Variants in FAM3B observed in about 807,000 individuals in gnomAD.
FAM3B encodes FAM3 metabolism regulating signaling molecule B.
FAM3B carries 29 observed loss-of-function variants against 28.4 expected under a neutral mutation model. That is an observed-to-expected ratio of 1.02 (90% CI 0.76 to 1.39). The LOEUF is 1.39. Among genes scored for constraint, FAM3B ranks in the 40% most tolerant of loss-of-function variants. The pLI is 0.00. For synonymous variants in FAM3B, 91 were observed against 103.0 expected (o/e 0.88, Z 0.71); for missense variants, 266 against 293.9 (o/e 0.91, Z 0.69).
intron 4 of FAM3B, 102 bp downstream of exon 4, chr21:41,344,636 G>A (rs2089039964): frequency 3.5e-6 from 3 of 863,366 alleles, no homozygotes; most frequent in African/African-American, 1.7e-5. Flanking sequence ...ATTTAGTCTA[G>A]GTTTGTATTT....
At chr21:41,333,470 CTT>C (rs1384132885) in intron 2 of FAM3B, among the ~76,000 whole-genome samples, 1 of 152,190 alleles carries the variant, frequency 6.6e-6, no homozygotes, top group African/African-American at 2.4e-5. Context: ...TCTTCTCTCT[CTT>C]GTTTCTGCTC....
At chr21:41,337,152 A>C (rs1568918485) in intron 2 of FAM3B, among the ~76,000 whole-genome samples, 1 of 152,224 alleles carries the variant, frequency 6.6e-6, no homozygotes, top group East Asian at 1.9e-4. Flanking sequence ...TTTGCTGACT[A>C]TACTTCTTAG....
intron 1 of FAM3B, among the ~76,000 whole-genome samples, chr21:41,310,764 C>A (rs1023209212): frequency 1.4e-4 from 21 of 152,250 alleles, no homozygotes; most frequent in South Asian, 1.0e-3. Context: ...GATAACATCA[C>A]CCCTGGCTCA....
At chr21:41,311,251 AAT>A (rs1168140562) in intron 1 of FAM3B, among the ~76,000 whole-genome samples, 492 of 34,970 alleles carry the variant, frequency 0.014, no homozygotes, top group Non-Finnish European at 0.016. Context: ...AAAAAAAAAA[AAT>A]ATATATATAT....
chr21:41,306,170 C>T (rs535081163), intron 1 of FAM3B, among the ~76,000 whole-genome samples: 92 of 152,298 alleles, frequency 6.0e-4, no homozygotes, highest in South Asian at 3.9e-3. Flanking sequence ...TCAGTCACAT[C>T]TTTAGGCTCC....
At chr21:41,325,974 A>G (rs1335486171) in intron 2 of FAM3B, among the ~76,000 whole-genome samples, 1 of 152,248 alleles carries the variant, frequency 6.6e-6, no homozygotes, top group Non-Finnish European at 1.5e-5. Flanking sequence ...ACTGAAACTG[A>G]TAGCAGAAGG....
chr21:41,306,875 A>G (rs1207505373), intron 1 of FAM3B, among the ~76,000 whole-genome samples: 1 of 152,214 alleles, frequency 6.6e-6, no homozygotes, highest in African/African-American at 2.4e-5. Flanking sequence ...ATTGTATGCA[A>G]TAGGTAGTAT....
intron 1 of FAM3B, chr21:41,319,677 G>A (rs2088783789): frequency 1.3e-5 from 2 of 152,510 alleles, no homozygotes; most frequent in Non-Finnish European, 2.9e-5. Flanking sequence ...CTGAGCCTCT[G>A]TCTTGACAGG....
At chr21:41,335,415 G>A (rs1238289669) in intron 2 of FAM3B, among the ~76,000 whole-genome samples, 1 of 152,182 alleles carries the variant, frequency 6.6e-6, no homozygotes, top group African/African-American at 2.4e-5. Context: ...CTCACGAGTG[G>A]TTTAGCACCA....
chr21:41,321,396 G>A (rs534459341), intron 1 of FAM3B, among the ~76,000 whole-genome samples: 2 of 152,202 alleles, frequency 1.3e-5, no homozygotes, highest in South Asian at 2.1e-4. Flanking sequence ...TGCAGCGCCC[G>A]CAGGTGGCTG....
chr21:41,344,631 G>T, intron 4 of FAM3B, 97 bp downstream of exon 4: 2 of 889,146 alleles, frequency 2.2e-6, no homozygotes, highest in East Asian at 2.6e-5. Context: ...GCGTGATTTA[G>T]TCTAGGTTTG....
intron 2 of FAM3B, among the ~76,000 whole-genome samples, chr21:41,336,383 G>A (rs1026538992): frequency 6.6e-6 from 1 of 152,156 alleles, no homozygotes; most frequent in East Asian, 1.9e-4. Context: ...TTAGCCAGAT[G>A]TGGTGGTGCA....
At chr21:41,343,346 GT>G (rs2089024345) in intron 3 of FAM3B, among the ~76,000 whole-genome samples, 1 of 152,092 alleles carries the variant, frequency 6.6e-6, no homozygotes, top group Non-Finnish European at 1.5e-5. Flanking sequence ...ACCTTATTTG[GT>G]CTCTAACGTA....
intron 3 of FAM3B, among the ~76,000 whole-genome samples, chr21:41,344,004 C>T (rs991908426): frequency 6.6e-6 from 1 of 152,122 alleles, no homozygotes; most frequent in African/African-American, 2.4e-5. Flanking sequence ...CTTGTACTTC[C>T]AGCTACTTGG....
At chr21:41,333,918 T>C (rs1471199001) in intron 2 of FAM3B, among the ~76,000 whole-genome samples, 1 of 152,176 alleles carries the variant, frequency 6.6e-6, no homozygotes. Context: ...AGGAACTTAT[T>C]GGGAAATGGA....
intron 2 of FAM3B, among the ~76,000 whole-genome samples, chr21:41,336,098 T>TTGAA (rs1445221594): frequency 7.2e-5 from 11 of 152,170 alleles, no homozygotes; most frequent in Admixed American, 7.2e-4. Flanking sequence ...ATAAAAGAGA[T>TTGAA]TGAAGGAGGC....
rs535425756 is a variant in FAM3B at position 41,330,558 on chromosome 21, C to G, written c.163+7492C>G. Among the ~76,000 whole-genome samples the G allele has an allele frequency of 2.0e-5, 3 of 152,296 alleles. No individual in the cohort carries two copies. The East Asian group carries it at 5.8e-4, about 29-fold the overall frequency. ...CCTCCTGTGTAGCTGAAACTTTGTACATTTTGACCAACATCTTCCCAAACC... is the reference window on the plus strand; with the variant it reads ...CCTCCTGTGTAGCTGAAACTTTGTAGATTTTGACCAACATCTTCCCAAACC... On this transcript the variant is annotated intron_variant, in intron 2 of 7. Coordinates refer to ENST00000357985, the MANE Select transcript of FAM3B (RefSeq NM_058186.4).
chr21:41,317,091 G>A (rs957664894), intron 1 of FAM3B, among the ~76,000 whole-genome samples, 193 bp downstream of exon 1: 5 of 152,242 alleles, frequency 3.3e-5, no homozygotes, highest in Non-Finnish European at 7.3e-5. Context: ...GAACAGCGGG[G>A]GTTTCCAGCA....
chr21:41,330,300 C>T (rs1485178945), intron 2 of FAM3B, among the ~76,000 whole-genome samples: 1 of 152,160 alleles, frequency 6.6e-6, no homozygotes, highest in East Asian at 1.9e-4. Context: ...GGATGTTCAA[C>T]TGGTAAGTAT....
Sources: allele counts gnomAD v4.1 joint callset (sites outside exome capture counted in the v4.1 genomes callset), GRCh38; gene constraint gnomAD v4.1.1; transcripts MANE v1.5; gene names NCBI Gene and HGNC (gene_info 2026-07-23, HGNC 2026-07-21).